ADCK1: variants seen among roughly 807,000 people sequenced by gnomAD.
ADCK1 encodes the protein aarF domain containing kinase 1.
A neutral mutation model predicts 52.3 loss-of-function variants in ADCK1; 41 were observed. The observed-to-expected ratio is 0.78, with a 90% CI of 0.61 to 1.02. The LOEUF (loss-of-function observed/expected upper bound fraction) is 1.02, where lower values mean the gene tolerates loss of function less well. Ranked by LOEUF, ADCK1 falls within the 50% of genes least tolerant of loss-of-function variation. The probability of loss-of-function intolerance (pLI) is 0.00; values close to 1 mark genes in which losing one functional copy is unlikely to be tolerated. For synonymous variants in ADCK1, 250 were observed against 274.6 expected (o/e 0.91, Z 0.89); for missense variants, 658 against 679.5 (o/e 0.97, Z 0.35).
intron 2 of ADCK1, among the ~76,000 whole-genome samples, chr14:77,821,813 C>T (rs935235872): frequency 1.4e-5 from 2 of 145,620 alleles, no homozygotes; most frequent in African/African-American, 2.6e-5. Context: ...CCTGGAAGGC[C>T]GAGCCTGCAG....
At position 77,933,510 on chromosome 14, in the gene ADCK1, C is replaced by T. The variant is rs1053821159; in HGVS notation, c.*119C>T. The T allele has an allele frequency of 2.2e-5, 28 of 1,258,410 alleles. 1 individual carries two copies. The African/African-American group carries it at 3.7e-4, about 17-fold the overall frequency. 78.0% of individuals were successfully genotyped at this position (1,258,410 alleles called of 1,614,324 possible). On this transcript the variant is annotated 3_prime_UTR_variant, in exon 11 of 11. Coordinates refer to ENST00000238561, the MANE Select transcript of ADCK1 (RefSeq NM_020421.4). ...GGCCCGCAGCCCCAGAGTCACTGTC[C>T]ATGTCACCATCCTTCTCCTCCTTTG...
intron 7 of ADCK1, among the ~76,000 whole-genome samples, chr14:77,922,298 G>T (rs185180525): frequency 6.6e-6 from 1 of 152,296 alleles, no homozygotes; most frequent in East Asian, 1.9e-4. Flanking sequence ...CTTGACCTGG[G>T]GCAAAGTCCT....
At chr14:77,870,256 C>T (rs780982293) in intron 4 of ADCK1, among the ~76,000 whole-genome samples, 66 of 152,320 alleles carry the variant, frequency 4.3e-4, no homozygotes, top group Non-Finnish European at 5.9e-4. Flanking sequence ...CAGTAAGAAG[C>T]AGAACCAGGA....
chr14:77,883,695 C>T (rs2083084184), intron 4 of ADCK1, among the ~76,000 whole-genome samples: 1 of 152,036 alleles, frequency 6.6e-6, no homozygotes, highest in Admixed American at 6.6e-5. Context: ...TGCAGGGACA[C>T]TGGGGAGGTG....
intron 3 of ADCK1, among the ~76,000 whole-genome samples, chr14:77,853,956 T>C (rs1025919020): frequency 1.3e-5 from 2 of 152,230 alleles, no homozygotes; most frequent in Non-Finnish European, 2.9e-5. Flanking sequence ...TGCAGTGAAC[T>C]GGGGCATTCA....
chr14:77,820,025 A>T (rs2081546349), intron 2 of ADCK1, among the ~76,000 whole-genome samples: 1 of 152,214 alleles, frequency 6.6e-6, no homozygotes, highest in African/African-American at 2.4e-5. Context: ...AGGCTACGGA[A>T]CATAAAACAA....
chr14:77,828,627 C>T (rs146225419), intron 3 of ADCK1, among the ~76,000 whole-genome samples: 308 of 152,134 alleles, frequency 2.0e-3, no homozygotes, highest in African/African-American at 7.1e-3. Flanking sequence ...CTCTGCCTCC[C>T]GGGTTCAAGC....
chr14:77,861,806 T>G (rs1207669119), intron 4 of ADCK1, among the ~76,000 whole-genome samples: 2 of 152,212 alleles, frequency 1.3e-5, no homozygotes, highest in Non-Finnish European at 2.9e-5. Flanking sequence ...GGCCCGGCCC[T>G]GTGGGGCATT....
intron 5 of ADCK1, among the ~76,000 whole-genome samples, chr14:77,888,273 C>T (rs1223623780): frequency 3.9e-5 from 6 of 152,088 alleles, no homozygotes; most frequent in South Asian, 2.1e-4. Context: ...TAACTTCGAC[C>T]TGTTCAGATG....
chr14:77,824,898 G>A (rs2081661338), intron 3 of ADCK1, among the ~76,000 whole-genome samples: 1 of 152,124 alleles, frequency 6.6e-6, no homozygotes, highest in Admixed American at 6.5e-5. Context: ...AATTTATCCT[G>A]TAGAATTTCC....
intron 9 of ADCK1, among the ~76,000 whole-genome samples, chr14:77,930,915 AC>A (rs1330379354): frequency 1.3e-5 from 2 of 151,724 alleles, no homozygotes; most frequent in African/African-American, 4.8e-5. Flanking sequence ...GGGAGGCCAG[AC>A]CCCAAACTTA....
chr14:77,808,782 G>C (rs773612682), intron 1 of ADCK1, among the ~76,000 whole-genome samples: 1 of 152,126 alleles, frequency 6.6e-6, no homozygotes, highest in Non-Finnish European at 1.5e-5. Context: ...CACCATGCTG[G>C]CCAGGCTTGT....
chr14:77,834,507 G>A (rs548243395), intron 3 of ADCK1, among the ~76,000 whole-genome samples: 1 of 152,332 alleles, frequency 6.6e-6, no homozygotes, highest in Non-Finnish European at 1.5e-5. Context: ...CATCTCCTGG[G>A]AATGCTTTAG....
At chr14:77,908,048 T>G in intron 7 of ADCK1, 129 bp downstream of exon 7, 1 of 703,614 alleles carries the variant, frequency 1.4e-6, no homozygotes, top group Non-Finnish European at 2.4e-6. Context: ...GCCCATTGTC[T>G]GGAGAATTAT....
At chr14:77,837,896 C>G (rs963220146) in intron 3 of ADCK1, among the ~76,000 whole-genome samples, 1 of 152,202 alleles carries the variant, frequency 6.6e-6, no homozygotes, top group Admixed American at 6.5e-5. Flanking sequence ...CTCATACTGG[C>G]TTGGATGAGA....
rs369655177 is a variant in ADCK1 at position 77,818,975 on chromosome 14, C to G, written c.-4C>G. 1.2e-6 allele frequency: 2 copies of G among 1,613,276 alleles called. No homozygotes were observed. Among genetic ancestry groups the G allele is most frequent in the Non-Finnish European group, 1.7e-6 (2 of 1,179,720 alleles). Reference sequence around the variant, plus strand: ...CTTTCCTTTTTTCTGCAGGATCTGGCGACATGGCCAGAAAGGCTCTCAAGC... The same window carrying G: ...CTTTCCTTTTTTCTGCAGGATCTGGGGACATGGCCAGAAAGGCTCTCAAGC... On this transcript the variant is annotated 5_prime_UTR_variant, in exon 2 of 11. Coordinates refer to ENST00000238561, the MANE Select transcript of ADCK1 (RefSeq NM_020421.4).
At position 77,809,127 on chromosome 14, in the gene ADCK1, G is replaced by C. The variant is rs1165978807; in HGVS notation, c.-12+8957G>C. Among the ~76,000 whole-genome samples, 3 of 152,060 alleles carry C rather than the reference G, an allele frequency of 2.0e-5. No homozygotes were observed. The East Asian group carries it at 5.8e-4, about 29-fold the overall frequency. ...TTGGGGTAAGAATTTGGTGGGCCTTGAGTGTCTTGCAAGGAGTTTGGGCTT... is the reference window on the plus strand; with the variant it reads ...TTGGGGTAAGAATTTGGTGGGCCTTCAGTGTCTTGCAAGGAGTTTGGGCTT... On this transcript the variant is annotated intron_variant, in intron 1 of 10. Transcript: ENST00000238561.
chr14:77,811,682 G>A (rs1315417301), intron 1 of ADCK1, among the ~76,000 whole-genome samples: 1 of 152,138 alleles, frequency 6.6e-6, no homozygotes, highest in African/African-American at 2.4e-5. Context: ...GGTGGTTTGT[G>A]CCTATGGTCC....
intron 4 of ADCK1, among the ~76,000 whole-genome samples, chr14:77,862,513 G>A (rs1020380228): frequency 3.3e-5 from 5 of 152,186 alleles, no homozygotes; most frequent in African/African-American, 1.2e-4. Context: ...TGCTGTTGAA[G>A]GAACGCAGGC....
Sources: allele counts gnomAD v4.1 joint callset (sites outside exome capture counted in the v4.1 genomes callset), GRCh38; gene constraint gnomAD v4.1.1; transcripts MANE v1.5; gene names NCBI Gene and HGNC (gene_info 2026-07-23, HGNC 2026-07-21).